Variants in UFL1 observed in about 807,000 individuals in gnomAD.
UFL1 encodes the protein UFM1 specific ligase 1.
UFL1 carries 78 observed loss-of-function variants against 99.3 expected under a neutral mutation model. The ratio of observed to expected loss-of-function variants is 0.79; its 90% CI spans 0.65 to 0.95. UFL1 has a LOEUF of 0.95. Ranked by LOEUF, UFL1 falls within the 40% of genes least tolerant of loss-of-function variation. UFL1 has a pLI of 0.00. For missense variants in UFL1, 936 were observed against 937.0 expected, an observed-to-expected ratio of 1.00 and a Z score of 0.01; for synonymous variants, 335 against 322.2, an observed-to-expected ratio of 1.04 and a Z score of -0.42.
At chr6:96,531,100 A>C (rs1769776667) in intron 6 of UFL1, among the ~76,000 whole-genome samples, 1 of 152,216 alleles carries the variant, frequency 6.6e-6, no homozygotes, top group Non-Finnish European at 1.5e-5. Flanking sequence ...GCTCTTTATG[A>C]GAACCTAATG....
chr6:96,541,466 G>A (rs1372723937), intron 11 of UFL1, among the ~76,000 whole-genome samples: 1 of 151,164 alleles, frequency 6.6e-6, no homozygotes, highest in Non-Finnish European at 1.5e-5. Context: ...GTGCTTTATC[G>A]GAACTGAAGA....
rs1360978586 is a variant in UFL1, at chr6:96,544,036, A to T, written c.1402+1020A>T. On this transcript the variant is annotated intron_variant, in intron 12 of 18. Transcript: ENST00000369278. Reference sequence around the variant, plus strand: ...ACAATTGTAATTTTTCCTATTGATTATTAAGAAAGCTTTGCATGGTTTCAC... The same window carrying T: ...ACAATTGTAATTTTTCCTATTGATTTTTAAGAAAGCTTTGCATGGTTTCAC... 2.0e-5 allele frequency among the ~76,000 whole-genome samples: 3 copies of T among 151,170 alleles called. No homozygotes were observed. The East Asian group carries it at 5.8e-4, about 29-fold the overall frequency.
At chr6:96,533,082 T>C (rs1279276628) in intron 6 of UFL1, among the ~76,000 whole-genome samples, 1 of 152,128 alleles carries the variant, frequency 6.6e-6, no homozygotes, top group African/African-American at 2.4e-5. Flanking sequence ...CTTAAGTCGT[T>C]TTGTTATATG....
Position 96,548,299 on chromosome 6 carries a change from T to A in UFL1, c.1520+18T>A. 1 of 1,450,826 alleles carries A rather than the reference T, an allele frequency of 6.9e-7. No individual in the cohort carries two copies. The highest frequency in any genetic ancestry group is 9.4e-7 in the Non-Finnish European group (1 of 1,066,130). 89.9% of individuals were successfully genotyped at this position (1,450,826 alleles called of 1,614,324 possible). ...TTAATAAAGCAAGTATAAAATGTAT[T>A]TTTTCTGTTTTATGGTAGAAATTAA... On this transcript the variant is annotated intron_variant, in intron 13 of 18. Transcript: ENST00000369278.
chr6:96,534,450 G>C (rs924769603), intron 7 of UFL1, 129 bp downstream of exon 7: 2 of 736,588 alleles, frequency 2.7e-6, no homozygotes, highest in Admixed American at 7.6e-5. Flanking sequence ...GTTTAAAAAA[G>C]TTTCTTTGTA....
intron 2 of UFL1, 86 bp downstream of exon 2, chr6:96,523,377 A>G (rs1227111961): frequency 3.9e-6 from 5 of 1,285,868 alleles, no homozygotes; most frequent in Non-Finnish European, 5.2e-6. Context: ...ATGTAATTGC[A>G]TACTAAATTA....
chr6:96,540,604 G>C lies in UFL1; in HGVS notation c.1228G>C (p.Val410Leu), dbSNP rs118021320. 603 of 1,606,598 alleles carry C rather than the reference G, an allele frequency of 3.8e-4. No homozygotes were observed. The highest frequency in any genetic ancestry group is 4.8e-4 in the Non-Finnish European group (570 of 1,176,328). ...DLKQISTLES[V>L]STSKKDKKDE... ...GAAACAAATCTCCACTTTAGAAAGCGTTAGTACAAGTAAAAAGGATAAAAA... is the reference window on the plus strand; with the variant it reads ...GAAACAAATCTCCACTTTAGAAAGCCTTAGTACAAGTAAAAAGGATAAAAA... Residue 410 changes from valine to leucine, a missense_variant, in exon 11 of 19, where the codon GTT becomes CTT. By Grantham distance (32) the Val-to-Leu change is conservative (BLOSUM62 1). Coordinates refer to ENST00000369278, the MANE Select transcript of UFL1 (RefSeq NM_015323.5).
At chr6:96,547,947 G>A (rs1252868865) in intron 12 of UFL1, among the ~76,000 whole-genome samples, 10 of 151,484 alleles carry the variant, frequency 6.6e-5, no homozygotes. Flanking sequence ...GCATGCATAC[G>A]AAGCCCCTGA....
chr6:96,546,996 C>T (rs1427700177), intron 12 of UFL1, among the ~76,000 whole-genome samples: 4 of 151,602 alleles, frequency 2.6e-5, no homozygotes, highest in South Asian at 4.1e-4. Flanking sequence ...ACACATAGGA[C>T]TTAATTAAAC....
At chr6:96,551,281 CTAAT>C (rs1441796412) in intron 15 of UFL1, 148 bp from the exon 16 acceptor site, 1 of 517,342 alleles carries the variant, frequency 1.9e-6, no homozygotes, top group Non-Finnish European at 3.4e-6. Flanking sequence ...GCTATTGACT[CTAAT>C]AATGTTTTTG....
intron 8 of UFL1, 126 bp from the exon 9 acceptor site, chr6:96,537,248 G>A: frequency 1.5e-6 from 1 of 654,776 alleles, no homozygotes; most frequent in Non-Finnish European, 2.4e-6. Flanking sequence ...TTGGGGTGGA[G>A]TTAGAGGAGT....
Position 96,536,258 on chromosome 6 carries a change from CT to C in UFL1, c.672del (p.Val225LeufsTer43). The C allele has an allele frequency of 6.2e-7, 1 of 1,608,686 alleles. No individual in the cohort carries two copies. The highest frequency in any genetic ancestry group is 2.2e-5 in the East Asian group (1 of 44,810). ...TTTGTTTTAAGCTGTGCTTGAGGAA[CT>C]TGTTAATAGCGGACGCTTACGAGGC... ...EQLLYSVLEE[L>X]VNSGRLRGTV... On this transcript the variant is annotated frameshift_variant, in exon 8 of 19. Coordinates refer to ENST00000369278, the MANE Select transcript of UFL1 (RefSeq NM_015323.5). LOFTEE classifies it high-confidence loss of function.
rs1769670577 is a variant in UFL1, at chr6:96,524,407, A to G, written c.249A>G (p.Gln83=). The G allele has an allele frequency of 1.3e-6, 2 of 1,579,062 alleles. No homozygotes were observed. The highest frequency in any genetic ancestry group is 2.7e-5 in the African/African-American group (2 of 72,952). The change falls in exon 3 of 19, where the codon CAA becomes CAG. Residue 83 remains glutamine (Q), a synonymous_variant. Transcript: ENST00000369278. ...GTCGAGTAAACATTGTTGATCTACAACAGGTAGGTTTTAAATTTATAAAAT... is the reference window on the plus strand; with the variant it reads ...GTCGAGTAAACATTGTTGATCTACAGCAGGTAGGTTTTAAATTTATAAAAT... The part of the protein sequence containing the change: ...RGGRVNIVDL[Q]QVINVDLIHI...
chr6:96,536,147 G>T lies in UFL1; in HGVS notation c.656-97G>T, dbSNP rs377242134. 5 of 1,252,150 alleles carry T rather than the reference G, an allele frequency of 4.0e-6. No homozygotes were observed. The African/African-American group carries it at 4.6e-5, about 12-fold the overall frequency. The allele number at this position is 1,252,150 out of a possible 1,614,324, so 77.6% of individuals were successfully genotyped here. A position where few individuals can be genotyped will look rare whatever the true frequency, so the allele number is the denominator to read the frequency against. ...TTCAACTTCAGATTGGTTTTTTAAAGGTTAAGAATAAGTAAATTATGAAAT... is the reference window on the plus strand; with the variant it reads ...TTCAACTTCAGATTGGTTTTTTAAATGTTAAGAATAAGTAAATTATGAAAT... On this transcript the variant is annotated intron_variant, in intron 7 of 18. Transcript: ENST00000369278.
intron 2 of UFL1, 135 bp from the exon 3 acceptor site, chr6:96,524,247 A>G (rs1769668453): frequency 6.9e-6 from 5 of 722,530 alleles, no homozygotes; most frequent in Middle Eastern, 2.4e-4. Flanking sequence ...AATGGTGTGT[A>G]TTTGAAGACA....
In UFL1 at chr6:96,553,487, C is replaced by G. The variant is rs1770111238; in HGVS notation, c.2369C>G (p.Ser790Cys). 3 of 1,613,130 alleles carry G rather than the reference C, an allele frequency of 1.9e-6. No individual in the cohort carries two copies. Among genetic ancestry groups the G allele is most frequent in the Non-Finnish European group, 1.7e-6 (2 of 1,179,570 alleles). Residue 790 changes from serine (S) to cysteine (C), a missense_variant, in exon 19 of 19, where the codon TCT (serine) becomes TGT (cysteine). Transcript: ENST00000369278. The part of the protein sequence containing the change: ...KDLVLKSRKS[S>C]VTEE ...CTTGTTCTCAAATCTAGGAAATCAT[C>G]TGTGACGGAAGAGTAATGATCTTAA... is the stretch of plus-strand genomic sequence containing the variant.
Position 96,544,953 on chromosome 6 carries a change from C to T in UFL1, c.1402+1937C>T, listed in dbSNP as rs149369517. 7.2e-3 allele frequency among the ~76,000 whole-genome samples: 1,089 copies of T among 150,976 alleles called. 11 individuals carry two copies. The highest frequency in any genetic ancestry group is 0.022 in the African/African-American group (921 of 41,384). ...TGAAAAAAAATTTATGTTGTAATCT[C>T]TGAAATAGAGGATGAAATTGGGTTC... On this transcript the variant is annotated intron_variant, in intron 12 of 18. Coordinates refer to ENST00000369278, the MANE Select transcript of UFL1 (RefSeq NM_015323.5).
rs146492020 is a variant in UFL1 at position 96,528,106 on chromosome 6, A to G, written c.466-396A>G. On this transcript the variant is annotated intron_variant, in intron 5 of 18. Coordinates refer to ENST00000369278, the MANE Select transcript of UFL1 (RefSeq NM_015323.5). ...TTATACTTTTAGTATTAGAAGCTCC[A>G]GAAAGGGTCTTCTCCAATACCCATT... Among the ~76,000 whole-genome samples, 722 of 152,324 alleles carry G rather than the reference A, an allele frequency of 4.7e-3. 5 individuals are homozygous for G. The highest frequency in any genetic ancestry group is 0.016 in the African/African-American group (656 of 41,586).
intron 6 of UFL1, among the ~76,000 whole-genome samples, chr6:96,530,225 C>T (rs1246587133): frequency 6.6e-6 from 1 of 152,142 alleles, no homozygotes; most frequent in Non-Finnish European, 1.5e-5. Flanking sequence ...TTGAAGATCA[C>T]AGGCTGATTA....
Sources: allele counts gnomAD v4.1 joint callset (sites outside exome capture counted in the v4.1 genomes callset), GRCh38; gene constraint gnomAD v4.1.1; transcripts MANE v1.5; gene names NCBI Gene and HGNC (gene_info 2026-07-23, HGNC 2026-07-21).